SNTG2: variants seen among roughly 807,000 people sequenced by gnomAD.
The protein encoded by SNTG2 is syntrophin gamma 2, also known as gamma-2-syntrophin.
A neutral mutation model predicts 70.9 loss-of-function variants in SNTG2; 74 were observed. The observed-to-expected ratio is 1.04, with a 90% CI of 0.86 to 1.27. The LOEUF (loss-of-function observed/expected upper bound fraction) is 1.27. Ranked by LOEUF, SNTG2 falls within the 50% of genes most tolerant of loss-of-function variation. SNTG2 has a pLI of 0.00. For synonymous variants in SNTG2, 278 were observed against 273.8 expected, an observed-to-expected ratio of 1.02 and a Z score of -0.15; for missense variants, 717 against 690.7, an observed-to-expected ratio of 1.04 and a Z score of -0.43.
intron 9 of SNTG2, among the ~76,000 whole-genome samples, chr2:1,217,404 C>G (rs534068646): frequency 1.4e-4 from 21 of 152,018 alleles, no homozygotes; most frequent in Non-Finnish European, 2.6e-4. Flanking sequence ...CTACACAGTA[C>G]GAGAAAAGAT....
chr2:1,069,483 G>A (rs987273287), intron 1 of SNTG2, among the ~76,000 whole-genome samples: 1 of 140,254 alleles, frequency 7.1e-6, no homozygotes, highest in African/African-American at 2.6e-5. Context: ...TATCCACTGA[G>A]GCTAGGAAAA....
intron 1 of SNTG2, among the ~76,000 whole-genome samples, chr2:1,007,713 C>G (rs1659612765): frequency 6.6e-6 from 1 of 152,162 alleles, no homozygotes; most frequent in Non-Finnish European, 1.5e-5. Flanking sequence ...GATGCACATC[C>G]CTTGTATTGA....
chr2:1,351,841 C>T (rs1660598524), intron 16 of SNTG2, among the ~76,000 whole-genome samples: 1 of 152,182 alleles, frequency 6.6e-6, no homozygotes. Context: ...TCTCTGCCAG[C>T]CCACGAGGCG....
At chr2:1,229,761 G>A (rs530585181) in intron 9 of SNTG2, among the ~76,000 whole-genome samples, 5 of 152,352 alleles carry the variant, frequency 3.3e-5, no homozygotes, top group African/African-American at 1.2e-4. Context: ...GGCAGCCAAG[G>A]CCCAGTGAGA....
chr2:1,356,071 T>C (rs1302950944), intron 16 of SNTG2, among the ~76,000 whole-genome samples: 1 of 152,248 alleles, frequency 6.6e-6, no homozygotes, highest in African/African-American at 2.4e-5. Flanking sequence ...AGGAGTTATT[T>C]ATACATTTTG....
intron 16 of SNTG2, among the ~76,000 whole-genome samples, chr2:1,330,089 C>A (rs34404330): frequency 0.016 from 2,435 of 152,258 alleles, 38 homozygotes; most frequent in Non-Finnish European, 0.027. Context: ...TATCTTTGTA[C>A]ACTGCTGTTC....
chr2:1,238,307 C>T (rs570338113), intron 10 of SNTG2, among the ~76,000 whole-genome samples: 1 of 152,244 alleles, frequency 6.6e-6, no homozygotes, highest in Admixed American at 6.5e-5. Flanking sequence ...TTTCTCTCCA[C>T]ACACATATAC....
At chr2:1,251,416 A>C (rs1463209381) in intron 12 of SNTG2, among the ~76,000 whole-genome samples, 1 of 151,356 alleles carries the variant, frequency 6.6e-6, no homozygotes, top group Non-Finnish European at 1.5e-5. Context: ...ATAGACCCAC[A>C]CACATGCACA....
intron 1 of SNTG2, among the ~76,000 whole-genome samples, chr2:1,042,963 T>C (rs1661524181): frequency 6.6e-6 from 1 of 152,212 alleles, no homozygotes; most frequent in Non-Finnish European, 1.5e-5. Flanking sequence ...TCCACAGTTA[T>C]TGAACTAATT....
intron 6 of SNTG2, among the ~76,000 whole-genome samples, chr2:1,146,930 CT>C (rs1228778993): frequency 6.6e-6 from 1 of 152,208 alleles, no homozygotes; most frequent in Non-Finnish European, 1.5e-5. Context: ...TTTCCTCCTC[CT>C]TTTGTTAAAA....
Position 1,347,398 on chromosome 2 carries a change from C to A in SNTG2, c.1489-19945C>A, listed in dbSNP as rs183179427. On this transcript the variant is annotated intron_variant, in intron 16 of 16. Transcript: ENST00000308624. ...CCAAGGAGCCCTCAGGCAAGTCAGA[C>A]CCCAGCTGACCCTCACCAGCCCTGC... is the stretch of plus-strand genomic sequence containing the variant. Among the ~76,000 whole-genome samples the A allele has an allele frequency of 2.8e-4, 42 of 152,296 alleles. No homozygotes were observed. The East Asian group carries it at 7.9e-3, about 29-fold the overall frequency.
At chr2:1,062,949 T>C (rs146121588) in intron 1 of SNTG2, among the ~76,000 whole-genome samples, 224 of 152,344 alleles carry the variant, frequency 1.5e-3, no homozygotes, top group African/African-American at 5.1e-3. Flanking sequence ...CATATTTTTG[T>C]TTCTTTGCTT....
chr2:1,293,143 G>A (rs1443066125), intron 14 of SNTG2, among the ~76,000 whole-genome samples: 1 of 145,792 alleles, frequency 6.9e-6, no homozygotes, highest in East Asian at 2.0e-4. Flanking sequence ...AAAATTGTTT[G>A]TAGTACTCTG....
chr2:1,138,133 G>T (rs1427641024), intron 6 of SNTG2, among the ~76,000 whole-genome samples: 1 of 152,326 alleles, frequency 6.6e-6, no homozygotes, highest in East Asian at 1.9e-4. Flanking sequence ...TGTTATCATC[G>T]TGCTGAGCAC....
chr2:1,272,335 G>T (rs925327387), intron 14 of SNTG2, among the ~76,000 whole-genome samples: 2 of 151,100 alleles, frequency 1.3e-5, no homozygotes, highest in Non-Finnish European at 2.9e-5. Flanking sequence ...TTCACAATAG[G>T]GTTCCCGCTC....
At chr2:993,371 A>G (rs1661569356) in intron 1 of SNTG2, among the ~76,000 whole-genome samples, 1 of 152,036 alleles carries the variant, frequency 6.6e-6, no homozygotes, top group Admixed American at 6.5e-5. Context: ...ACTACCAGAT[A>G]CATTCCATTG....
intron 14 of SNTG2, among the ~76,000 whole-genome samples, chr2:1,298,424 A>G (rs1438770571): frequency 6.6e-6 from 1 of 152,180 alleles, no homozygotes; most frequent in Non-Finnish European, 1.5e-5. Flanking sequence ...GAGAGCCACC[A>G]CACCCGGCCT....
intron 1 of SNTG2, among the ~76,000 whole-genome samples, chr2:1,078,171 T>C (rs181298562): frequency 1.5e-4 from 23 of 152,356 alleles, no homozygotes; most frequent in Admixed American, 1.4e-3. Flanking sequence ...AGAACTGTCT[T>C]GTGCCCCTCG....
chr2:1,245,386 G>A (rs956059791), intron 11 of SNTG2, among the ~76,000 whole-genome samples: 1 of 152,192 alleles, frequency 6.6e-6, no homozygotes, highest in Non-Finnish European at 1.5e-5. Flanking sequence ...GGTCTTCCTG[G>A]AATGTGAACT....
Sources: allele counts gnomAD v4.1 joint callset (sites outside exome capture counted in the v4.1 genomes callset), GRCh38; gene constraint gnomAD v4.1.1; transcripts MANE v1.5; gene names NCBI Gene and HGNC (gene_info 2026-07-23, HGNC 2026-07-21).